CNTN5: variants seen among roughly 807,000 people sequenced by gnomAD.
CNTN5 encodes the protein contactin 5.
Under a neutral mutation model 129.1 loss-of-function variants are expected in CNTN5, and 77 were observed. That is an observed-to-expected ratio of 0.60 (90% CI 0.50 to 0.72). The LOEUF is 0.72. Ranked by LOEUF, CNTN5 falls within the 30% of genes least tolerant of loss-of-function variation. The probability of loss-of-function intolerance (pLI) is 0.00; values close to 1 mark genes in which losing one functional copy is unlikely to be tolerated. For missense variants in CNTN5, 1,478 were observed against 1,328.8 expected (o/e 1.11, Z -1.75); for synonymous variants, 509 against 465.6 (o/e 1.09, Z -1.20).
chr11:99,523,754 T>C (rs1280684138), intron 2 of CNTN5, among the ~76,000 whole-genome samples: 1 of 152,046 alleles, frequency 6.6e-6, no homozygotes, highest in Non-Finnish European at 1.5e-5. Context: ...GTATCCTCGG[T>C]TCCCACACTC....
At chr11:99,208,152 A>G (rs1859575855) in intron 1 of CNTN5, among the ~76,000 whole-genome samples, 1 of 152,190 alleles carries the variant, frequency 6.6e-6, no homozygotes. Flanking sequence ...AAGCATCAAA[A>G]TCATAGCATT....
chr11:99,447,116 C>T (rs1944104105), intron 2 of CNTN5, among the ~76,000 whole-genome samples: 1 of 152,202 alleles, frequency 6.6e-6, no homozygotes, highest in African/African-American at 2.4e-5. Context: ...CACTTACTGA[C>T]AGACTGATTA....
chr11:99,792,787 C>G (rs1945798095), intron 3 of CNTN5, among the ~76,000 whole-genome samples: 1 of 152,088 alleles, frequency 6.6e-6, no homozygotes, highest in Non-Finnish European at 1.5e-5. Context: ...GCTTTTCTTA[C>G]TGTTTCAAAT....
intron 1 of CNTN5, among the ~76,000 whole-genome samples, chr11:99,268,801 G>T (rs73534998): frequency 0.017 from 2,555 of 152,064 alleles, 82 homozygotes; most frequent in African/African-American, 0.059. Flanking sequence ...TCTAATGATT[G>T]TCTAATTCCT....
At chr11:99,071,994 C>T (rs1350233595) in intron 1 of CNTN5, among the ~76,000 whole-genome samples, 1 of 152,032 alleles carries the variant, frequency 6.6e-6, no homozygotes, top group African/African-American at 2.4e-5. Flanking sequence ...CAAACTTTTT[C>T]ACAACACATT....
At chr11:99,325,518 T>C (rs918836651) in intron 2 of CNTN5, 34 bp downstream of exon 2, 1 of 152,102 alleles carries the variant, frequency 6.6e-6, no homozygotes, top group Admixed American at 6.6e-5. Flanking sequence ...GCCTATAAAA[T>C]TGAAAGACAT....
At chr11:100,078,088 A>G (rs756222452) in intron 13 of CNTN5, among the ~76,000 whole-genome samples, 2 of 152,168 alleles carry the variant, frequency 1.3e-5, no homozygotes, top group African/African-American at 2.4e-5. Context: ...ACTGAAGGTT[A>G]TAGTTCGTCA....
Position 99,086,355 on chromosome 11 carries a change from T to C in CNTN5, c.-210+65085T>C, listed in dbSNP as rs570466553. On this transcript the variant is annotated intron_variant, in intron 1 of 24. Transcript: ENST00000524871. ...AAGGAATACCTGGAGCTGGGTAATT[T>C]ATAAAGAGGTTTAATTGGCTTATGG... 3.0e-4 allele frequency among the ~76,000 whole-genome samples: 46 copies of C among 152,266 alleles called. 1 individual carries two copies. Among genetic ancestry groups the C allele is most frequent in the African/African-American group, 9.9e-4 (41 of 41,562 alleles).
At chr11:99,136,234 C>T (rs112271237) in intron 1 of CNTN5, among the ~76,000 whole-genome samples, 1 of 151,990 alleles carries the variant, frequency 6.6e-6, no homozygotes, top group South Asian at 2.1e-4. Context: ...AGTCCAACTG[C>T]GAAAACCCTC....
intron 6 of CNTN5, among the ~76,000 whole-genome samples, chr11:99,853,442 G>A (rs750643283): frequency 4.0e-5 from 6 of 151,554 alleles, no homozygotes; most frequent in African/African-American, 7.3e-5. Context: ...TCTTGTTACC[G>A]AGGCTGGAGC....
intron 3 of CNTN5, among the ~76,000 whole-genome samples, chr11:99,567,145 G>A (rs2135566064): frequency 6.6e-6 from 1 of 152,132 alleles, no homozygotes; most frequent in Middle Eastern, 3.4e-3. Flanking sequence ...TCTGTCTATA[G>A]GTGTTACCTA....
At chr11:99,254,375 G>A (rs1455381851) in intron 1 of CNTN5, among the ~76,000 whole-genome samples, 5 of 151,888 alleles carry the variant, frequency 3.3e-5, no homozygotes, top group Non-Finnish European at 7.4e-5. Flanking sequence ...AAGTACTGCC[G>A]AAATACATCA....
At chr11:99,229,921 A>G (rs1252054403) in intron 1 of CNTN5, among the ~76,000 whole-genome samples, 7 of 151,932 alleles carry the variant, frequency 4.6e-5, no homozygotes, top group Admixed American at 2.0e-4. Context: ...TGTGCAATAT[A>G]TATATTGCAC....
At chr11:99,216,315 C>T (rs908597300) in intron 1 of CNTN5, among the ~76,000 whole-genome samples, 2 of 152,072 alleles carry the variant, frequency 1.3e-5, no homozygotes, top group Non-Finnish European at 2.9e-5. Flanking sequence ...TGTGTTGTTG[C>T]AAATGACCGG....
At chr11:99,324,666 G>A (rs1865707179) in intron 1 of CNTN5, among the ~76,000 whole-genome samples, 4 of 152,004 alleles carry the variant, frequency 2.6e-5, no homozygotes, top group Admixed American at 2.6e-4. Flanking sequence ...GAATAGAGGT[G>A]GCCCCATTCA....
intron 3 of CNTN5, among the ~76,000 whole-genome samples, chr11:99,655,345 T>TA (rs1462063880): frequency 6.6e-6 from 1 of 152,136 alleles, no homozygotes; most frequent in Non-Finnish European, 1.5e-5. Context: ...ACAGCCTGAC[T>TA]AATACTAAGT....
intron 13 of CNTN5, among the ~76,000 whole-genome samples, chr11:100,082,903 A>G (rs567392642): frequency 6.6e-5 from 10 of 152,104 alleles, no homozygotes; most frequent in African/African-American, 9.7e-5. Context: ...TCACAGTTCT[A>G]CAGGCCATAC....
intron 8 of CNTN5, among the ~76,000 whole-genome samples, chr11:99,958,346 A>T (rs1263603688): frequency 6.6e-6 from 1 of 152,254 alleles, no homozygotes; most frequent in Non-Finnish European, 1.5e-5. Context: ...GCTAGCATAC[A>T]CAAATATTTC....
At chr11:100,265,991 A>G (rs1384058068) in intron 17 of CNTN5, among the ~76,000 whole-genome samples, 1 of 152,174 alleles carries the variant, frequency 6.6e-6, no homozygotes, top group Non-Finnish European at 1.5e-5. Flanking sequence ...TAACTCAGAT[A>G]TGCTTCTTAA....
Sources: allele counts gnomAD v4.1 joint callset (sites outside exome capture counted in the v4.1 genomes callset), GRCh38; gene constraint gnomAD v4.1.1; transcripts MANE v1.5; gene names NCBI Gene and HGNC (gene_info 2026-07-23, HGNC 2026-07-21).